Variants in ASB1 observed in about 807,000 individuals in gnomAD.
ASB1 encodes ankyrin repeat and SOCS box containing 1.
A neutral mutation model predicts 27.7 loss-of-function variants in ASB1; 18 were observed. The observed-to-expected ratio is 0.65, with a 90% confidence interval of 0.45 to 0.96. The LOEUF is 0.96. Among genes scored for constraint, ASB1 ranks in the 50% least tolerant of loss-of-function variants. The pLI is 0.00. For synonymous variants in ASB1, 189 were observed against 187.6 expected (o/e 1.01, Z -0.06); for missense variants, 397 against 451.7 (o/e 0.88, Z 1.10).
chr2:238,431,595 A>C (rs1291389290), intron 1 of ASB1, among the ~76,000 whole-genome samples: 1 of 152,260 alleles, frequency 6.6e-6, no homozygotes, highest in East Asian at 1.9e-4. Flanking sequence ...AGCTTTCCAC[A>C]TGCCTTTCTC....
At position 238,433,447 on chromosome 2, in the gene ASB1, G is replaced by A; in HGVS notation, c.50-107G>A. The A allele has an allele frequency of 6.8e-6, 9 of 1,333,190 alleles. 1 individual carries two copies. In the South Asian group the frequency reaches 1.1e-4, roughly 16 times the overall value. 82.6% of individuals were successfully genotyped at this position (1,333,190 alleles called of 1,614,324 possible). A position where few individuals can be genotyped will look rare whatever the true frequency, so the allele number is the denominator to read the frequency against. ...GTGATTTATTTCTTGAGCATTTGAA[G>A]GTGCCCCGTAGCTGGGAGAGGGAAG... On this transcript the variant is annotated intron_variant, in intron 1 of 4. Transcript: ENST00000264607.
At chr2:238,438,648 G>C (rs184760392) in intron 3 of ASB1, among the ~76,000 whole-genome samples, 11 of 152,198 alleles carry the variant, frequency 7.2e-5, no homozygotes, top group African/African-American at 2.4e-4. Context: ...TTGACACTTG[G>C]ATAGTAGAGT....
In ASB1 at chr2:238,447,657, A is replaced by T. The variant is rs1227807460; in HGVS notation, c.*1146A>T. ...CCCAGGTTGCTGCTGTTTCCAGTGAATCACATTTCGTCATTTGAAGCCCAT... is the reference window on the plus strand; with the variant it reads ...CCCAGGTTGCTGCTGTTTCCAGTGATTCACATTTCGTCATTTGAAGCCCAT... On this transcript the variant is annotated 3_prime_UTR_variant, in exon 5 of 5. Coordinates refer to ENST00000264607, the MANE Select transcript of ASB1 (RefSeq NM_001040445.3). 1 of 152,242 alleles carries T rather than the reference A, an allele frequency of 6.6e-6. No homozygotes were observed. The highest frequency in any genetic ancestry group is 1.9e-4 in the East Asian group (1 of 5,194). The allele number at this position is 152,242 out of a possible 1,614,324, so 9.4% of individuals were successfully genotyped here. A position where few individuals can be genotyped will look rare whatever the true frequency, so the allele number is the denominator to read the frequency against.
rs1328590211 is a variant in ASB1, at chr2:238,447,992, A to G, written c.*1481A>G. 1 of 152,304 alleles carries G rather than the reference A, an allele frequency of 6.6e-6. No homozygotes were observed. Among genetic ancestry groups the G allele is most frequent in the Non-Finnish European group, 1.5e-5 (1 of 68,078 alleles). The allele number at this position is 152,304 out of a possible 1,614,324, so 9.4% of individuals were successfully genotyped here. Reference sequence around the variant, plus strand: ...CAGATGCAGTTCCGAAGGGAAGAACAGTCCTCGGGTGATTCAGAGGGGAAA... The same window carrying G: ...CAGATGCAGTTCCGAAGGGAAGAACGGTCCTCGGGTGATTCAGAGGGGAAA... On this transcript the variant is annotated 3_prime_UTR_variant, in exon 5 of 5. Coordinates refer to ENST00000264607, the MANE Select transcript of ASB1 (RefSeq NM_001040445.3).
chr2:238,448,854 G>A lies in ASB1; in HGVS notation c.*2343G>A, dbSNP rs1356041106. 1 of 152,386 alleles carries A rather than the reference G, an allele frequency of 6.6e-6. No homozygotes were observed. The highest frequency in any genetic ancestry group is 2.4e-5 in the African/African-American group (1 of 41,464). 9.4% of individuals were successfully genotyped at this position (152,386 alleles called of 1,614,324 possible). A position where few individuals can be genotyped will look rare whatever the true frequency, so the allele number is the denominator to read the frequency against. On this transcript the variant is annotated 3_prime_UTR_variant, in exon 5 of 5. Transcript: ENST00000264607. Reference sequence around the variant, plus strand: ...GTCACTGCCCCTGGTCTCTCTAGGAGGAGTGGACTGAATGGATCGTTGCAG... The same window carrying A: ...GTCACTGCCCCTGGTCTCTCTAGGAAGAGTGGACTGAATGGATCGTTGCAG...
rs759901883 is a variant in ASB1 at position 238,449,651 on chromosome 2, T to G, written c.*3140T>G. 7 of 152,192 alleles carry G rather than the reference T, an allele frequency of 4.6e-5. No individual in the cohort carries two copies. The highest frequency in any genetic ancestry group is 7.2e-5 in the African/African-American group (3 of 41,438). The allele number at this position is 152,192 out of a possible 1,614,324, so 9.4% of individuals were successfully genotyped here. ...TCTTTGCATCACTCGTGTTATTTAT[T>G]TATTTATTTATATTCTGCCTTGTTC... is the stretch of plus-strand genomic sequence containing the variant. On this transcript the variant is annotated 3_prime_UTR_variant, in exon 5 of 5. Coordinates refer to ENST00000264607, the MANE Select transcript of ASB1 (RefSeq NM_001040445.3).
chr2:238,427,278 G>A, intron 1 of ASB1, 159 bp downstream of exon 1: 1 of 460,446 alleles, frequency 2.2e-6, no homozygotes, highest in Non-Finnish European at 3.5e-6. Flanking sequence ...GGTTCAGCGC[G>A]GCTCGCAGTG....
chr2:238,438,617 A>G (rs1353969439), intron 3 of ASB1, among the ~76,000 whole-genome samples: 1 of 152,238 alleles, frequency 6.6e-6, no homozygotes, highest in Non-Finnish European at 1.5e-5. Context: ...AAAGTTTTCT[A>G]TATTCTAAAT....
chr2:238,443,836 G>T (rs1702125021), intron 3 of ASB1, among the ~76,000 whole-genome samples: 1 of 151,704 alleles, frequency 6.6e-6, no homozygotes, highest in African/African-American at 2.4e-5. Context: ...TCTAATATTG[G>T]AGTTACCTGT....
chr2:238,437,847 AAT>A (rs1702002383), intron 3 of ASB1, among the ~76,000 whole-genome samples: 1 of 152,178 alleles, frequency 6.6e-6, no homozygotes, highest in African/African-American at 2.4e-5. Flanking sequence ...AGGTACTGAG[AAT>A]ATGTTTTTCC....
intron 1 of ASB1, among the ~76,000 whole-genome samples, chr2:238,432,514 A>G (rs1161623100): frequency 2.0e-5 from 3 of 152,136 alleles, no homozygotes; most frequent in Non-Finnish European, 4.4e-5. Context: ...TTTCTTAGGC[A>G]GGCCTCCCTG....
intron 3 of ASB1, among the ~76,000 whole-genome samples, chr2:238,439,828 T>G (rs575454171): frequency 1.3e-5 from 2 of 152,306 alleles, no homozygotes; most frequent in East Asian, 3.9e-4. Flanking sequence ...GTGCCTGCCA[T>G]GTTTCGCTCC....
intron 4 of ASB1, 57 bp downstream of exon 4, chr2:238,444,784 A>T (rs1702146386): frequency 6.6e-7 from 1 of 1,504,712 alleles, no homozygotes; most frequent in African/African-American, 1.4e-5. Flanking sequence ...ATGAATCAAG[A>T]TGTAGCAATA....
chr2:238,439,373 C>T (rs1176211259), intron 3 of ASB1, among the ~76,000 whole-genome samples: 1 of 152,124 alleles, frequency 6.6e-6, no homozygotes, highest in Non-Finnish European at 1.5e-5. Flanking sequence ...CCTGTGCTTC[C>T]TGAAAGCAGC....
chr2:238,430,729 C>T (rs531321654), intron 1 of ASB1, among the ~76,000 whole-genome samples: 1 of 152,318 alleles, frequency 6.6e-6, no homozygotes, highest in East Asian at 1.9e-4. Flanking sequence ...CAGAATGACT[C>T]CTTGATCCAT....
intron 3 of ASB1, among the ~76,000 whole-genome samples, chr2:238,438,824 C>T (rs1469758983): frequency 6.6e-6 from 1 of 152,090 alleles, no homozygotes; most frequent in African/African-American, 2.4e-5. Flanking sequence ...ATATGTATTG[C>T]CCATATTTTA....
chr2:238,434,666 A>G (rs1328824038), intron 2 of ASB1, among the ~76,000 whole-genome samples: 1 of 152,272 alleles, frequency 6.6e-6, no homozygotes, highest in Non-Finnish European at 1.5e-5. Flanking sequence ...ATAGGAAGAC[A>G]GATGGATTAC....
Position 238,442,056 on chromosome 2 carries a change from T to C in ASB1, c.495-2286T>C, listed in dbSNP as rs1702087786. On this transcript the variant is annotated intron_variant, in intron 3 of 4. Coordinates refer to ENST00000264607, the MANE Select transcript of ASB1 (RefSeq NM_001040445.3). ...AGAATAGTTTTAATTTGCATTTCTG[T>C]TCCGAGTGAGGCTGAGTGTGTTTTC... 1.3e-5 allele frequency among the ~76,000 whole-genome samples: 2 copies of C among 152,200 alleles called. 1 individual carries two copies. The highest frequency in any genetic ancestry group is 4.8e-5 in the African/African-American group (2 of 41,442).
At chr2:238,439,738 C>T (rs1702044455) in intron 3 of ASB1, among the ~76,000 whole-genome samples, 1 of 152,174 alleles carries the variant, frequency 6.6e-6, no homozygotes, top group Admixed American at 6.5e-5. Context: ...GTTGTGTTCG[C>T]ATTCCCCTCT....
Sources: allele counts gnomAD v4.1 joint callset (sites outside exome capture counted in the v4.1 genomes callset), GRCh38; gene constraint gnomAD v4.1.1; transcripts MANE v1.5; gene names NCBI Gene and HGNC (gene_info 2026-07-23, HGNC 2026-07-21).